Variants in MAP3K4 observed in about 807,000 individuals in gnomAD.
MAP3K4 encodes MAP three kinase 1.
In MAP3K4, 67 loss-of-function variants were observed where a neutral mutation model predicts 185.6. The ratio of observed to expected loss-of-function variants is 0.36; its 90% CI spans 0.30 to 0.44. The LOEUF (loss-of-function observed/expected upper bound fraction) is 0.44. Among genes scored for constraint, MAP3K4 ranks in the 20% least tolerant of loss-of-function variants. The pLI is 1.00. For missense variants in MAP3K4, 1,551 were observed against 1,995.1 expected (o/e 0.78, Z 4.24); for synonymous variants, 702 against 710.4 (o/e 0.99, Z 0.19).
rs1386186236 is a variant in MAP3K4, at chr6:161,103,821, G to C, written c.3856+1042G>C. 2.0e-5 allele frequency among the ~76,000 whole-genome samples: 3 copies of C among 152,178 alleles called. No homozygotes were observed. The highest frequency in any genetic ancestry group is 2.9e-5 in the Non-Finnish European group (2 of 68,030). On this transcript the variant is annotated intron_variant, in intron 19 of 26. Transcript: ENST00000392142. This position sits in a 1 kb window ranked among gnomAD's most constrained non-coding sequence, Gnocchi z 4.6. The stretch of plus-strand genomic sequence containing the variant: ...TGCAGAAATTCAGTATAAATAATAC[G>C]ATACTGGACTAATGTGGGATTTAAA...
chr6:161,078,903 A>G (rs557212645), intron 5 of MAP3K4, among the ~76,000 whole-genome samples: 21 of 152,258 alleles, frequency 1.4e-4, no homozygotes, highest in African/African-American at 4.8e-4. Flanking sequence ...AAGAATATAT[A>G]CAAATTATGG....
chr6:161,084,744 TA>T lies in MAP3K4; in HGVS notation c.2372+130del. Reference sequence around the variant, plus strand: ...CCTGGAAGAATTTGGGCAGTAGATGTAAAGGGATTTATTTATAACTGCCTTG... The same window carrying T: ...CCTGGAAGAATTTGGGCAGTAGATGTAAGGGATTTATTTATAACTGCCTTG... On this transcript the variant is annotated intron_variant, in intron 7 of 26. Transcript: ENST00000392142. The surrounding 1 kb of genome is among the most constrained non-coding windows in gnomAD (Gnocchi z 4.6). 1.8e-6 allele frequency: 1 copy of T among 546,996 alleles called. No individual in the cohort carries two copies. The highest frequency in any genetic ancestry group is 3.4e-6 in the Non-Finnish European group (1 of 298,462). 33.9% of individuals were successfully genotyped at this position (546,996 alleles called of 1,614,324 possible). A position where few individuals can be genotyped will look rare whatever the true frequency, so the allele number is the denominator to read the frequency against.
At position 161,086,402 on chromosome 6, in the gene MAP3K4, G is replaced by A. The variant is rs1785715688; in HGVS notation, c.2396G>A (p.Arg799Gln). Reference protein sequence around the residue: ...EIRRSVIEISRALKELFHEAR... With the variant: ...EIRRSVIEISQALKELFHEAR... ...AGGAGGTCTGTTATAGAGATCAGTC[G>A]AGCCCTGAAGGAGCTCTTCCATGAA... The change falls in exon 8 of 27, where the codon CGA becomes CAA. Residue 799 changes from arginine (R) to glutamine (Q), a missense_variant. Coordinates refer to ENST00000392142, the MANE Select transcript of MAP3K4 (RefSeq NM_005922.4). The surrounding 1 kb of genome is among the most constrained non-coding windows in gnomAD (Gnocchi z 4.8). 1.9e-6 allele frequency: 3 copies of A among 1,613,654 alleles called. No individual in the cohort carries two copies. The highest frequency in any genetic ancestry group is 1.3e-5 in the African/African-American group (1 of 74,914).
At chr6:161,069,357 C>A (rs2114810974) in intron 3 of MAP3K4, among the ~76,000 whole-genome samples, 1 of 152,196 alleles carries the variant, frequency 6.6e-6, no homozygotes, top group Middle Eastern at 3.4e-3. Context: ...ATGAGGTGAA[C>A]CTTGAAAACT....
Position 161,106,434 on chromosome 6 carries a change from T to C in MAP3K4, c.3857-80T>C. ...GTAATGGAGTGCTAATATATATTGC[T>C]CTATTTTTATTGGTTTGTCTTTTGG... On this transcript the variant is annotated intron_variant, in intron 19 of 26. Coordinates refer to ENST00000392142, the MANE Select transcript of MAP3K4 (RefSeq NM_005922.4). The surrounding 1 kb of genome is among the most constrained non-coding windows in gnomAD (Gnocchi z 4.9). 1 of 961,076 alleles carries C rather than the reference T, an allele frequency of 1.0e-6. No individual in the cohort carries two copies. Among genetic ancestry groups the C allele is most frequent in the Non-Finnish European group, 1.6e-6 (1 of 637,610 alleles). The allele number at this position is 961,076 out of a possible 1,614,324, so 59.5% of individuals were successfully genotyped here. A position where few individuals can be genotyped will look rare whatever the true frequency, so the allele number is the denominator to read the frequency against.
rs1274130587 is a variant in MAP3K4 at position 161,007,978 on chromosome 6, T to G, written c.152+15895T>G. Among the ~76,000 whole-genome samples, 1 of 152,212 alleles carries G rather than the reference T, an allele frequency of 6.6e-6. No homozygotes were observed. Among genetic ancestry groups the G allele is most frequent in the East Asian group, 1.9e-4 (1 of 5,198 alleles). On this transcript the variant is annotated intron_variant, in intron 1 of 26. Transcript: ENST00000392142. This position sits in a 1 kb window ranked among gnomAD's most constrained non-coding sequence, Gnocchi z 4.5. ...GTGAAGTATGGCCTTGACTCTTGCT[T>G]CTAATTAAACTTTTTATGTGATAAA... is the stretch of plus-strand genomic sequence containing the variant.
In MAP3K4 at chr6:161,115,098, GA is replaced by G. The variant is rs781651346; in HGVS notation, c.4627-24del. On this transcript the variant is annotated intron_variant, in intron 25 of 26. Transcript: ENST00000392142. The surrounding 1 kb of genome is among the most constrained non-coding windows in gnomAD (Gnocchi z 6.0). ...TTGTGGCTGTGTAATATTAAAATCT[GA>G]TTTTTTAAAAACATCTTTTTTAGAG... 24 of 1,587,784 alleles carry G rather than the reference GA, an allele frequency of 1.5e-5. No individual in the cohort carries two copies. The highest frequency in any genetic ancestry group is 1.8e-5 in the Admixed American group (1 of 56,912).
rs1777327800 is a variant in MAP3K4, at chr6:161,091,887, A to G, written c.3136-123A>G. ...CATAATTCTTCATACTATTCAAAATATAGAAATTTTAATTGGATTTCACTT... is the reference window on the plus strand; with the variant it reads ...CATAATTCTTCATACTATTCAAAATGTAGAAATTTTAATTGGATTTCACTT... On this transcript the variant is annotated intron_variant, in intron 12 of 26. Coordinates refer to ENST00000392142, the MANE Select transcript of MAP3K4 (RefSeq NM_005922.4). The surrounding 1 kb of genome is among the most constrained non-coding windows in gnomAD (Gnocchi z 5.5). The G allele has an allele frequency of 3.6e-6, 3 of 822,094 alleles. No homozygotes were observed. The highest frequency in any genetic ancestry group is 5.7e-6 in the Non-Finnish European group (3 of 524,498). The allele number at this position is 822,094 out of a possible 1,614,324, so 50.9% of individuals were successfully genotyped here.
rs762032863 is a variant in MAP3K4, at chr6:161,057,020, TTGTAA to T, written c.1707+7051_1707+7055del. ...TTTTCAGAAGAATAAGATGAATATA[TTGTAA>T]TGTAATGTACAAAATGTATAATTGT... On this transcript the variant is annotated intron_variant, in intron 3 of 26. Coordinates refer to ENST00000392142, the MANE Select transcript of MAP3K4 (RefSeq NM_005922.4). 9.9e-5 allele frequency among the ~76,000 whole-genome samples: 15 copies of T among 152,248 alleles called. No individual in the cohort carries two copies. The East Asian group carries it at 1.2e-3, about 12-fold the overall frequency.
In MAP3K4 at chr6:161,034,174, A is replaced by G; in HGVS notation, c.153-85A>G. On this transcript the variant is annotated intron_variant, in intron 1 of 26. Transcript: ENST00000392142. The surrounding 1 kb of genome is among the most constrained non-coding windows in gnomAD (Gnocchi z 4.4). ...AGATTTTTCTGTACAAAAGTTTTAC[A>G]AAGAATTATTTAAAAAATTATAAGT... 2 of 1,131,056 alleles carry G rather than the reference A, an allele frequency of 1.8e-6. No individual in the cohort carries two copies. Among genetic ancestry groups the G allele is most frequent in the Non-Finnish European group, 2.5e-6 (2 of 807,842 alleles). The allele number at this position is 1,131,056 out of a possible 1,614,324, so 70.1% of individuals were successfully genotyped here.
In MAP3K4 at chr6:161,048,949, T is replaced by G. The variant is rs1783875609; in HGVS notation, c.677T>G (p.Phe226Cys). ...TDCPADRLKFFETLRLLLKLT... is the reference protein window; with the variant it reads ...TDCPADRLKFCETLRLLLKLT... ...TGTCCAGCAGATCGTTTAAAGTTTT[T>G]TGAAACTTTACGACTTTTGCTAAAG... The change falls in exon 3 of 27, where the codon TTT (phenylalanine) becomes TGT (cysteine). Residue 226 changes from phenylalanine (F) to cysteine (C), a missense_variant. Coordinates refer to ENST00000392142, the MANE Select transcript of MAP3K4 (RefSeq NM_005922.4). This position sits in a 1 kb window ranked among gnomAD's most constrained non-coding sequence, Gnocchi z 4.7. The G allele has an allele frequency of 6.2e-7, 1 of 1,613,906 alleles. No individual in the cohort carries two copies. Among genetic ancestry groups the G allele is most frequent in the African/African-American group, 1.3e-5 (1 of 74,930 alleles).
At chr6:161,005,980 G>T (rs1211590323) in intron 1 of MAP3K4, among the ~76,000 whole-genome samples, 1 of 152,164 alleles carries the variant, frequency 6.6e-6, no homozygotes, top group Non-Finnish European at 1.5e-5. Flanking sequence ...TAGAAACGGG[G>T]TTTTGCCATC....
rs7746548 is a variant in MAP3K4 at position 161,061,019 on chromosome 6, C to T, written c.1708-9589C>T. ...TGTACCCCAGCATTGTTCATTGCAG[C>T]AGAAATTGTGGCTGGTCATTGTTTT... On this transcript the variant is annotated intron_variant, in intron 3 of 26. Transcript: ENST00000392142. The surrounding 1 kb of genome is among the most constrained non-coding windows in gnomAD (Gnocchi z 4.2). Among the ~76,000 whole-genome samples, 3,465 of 152,286 alleles carry T rather than the reference C, an allele frequency of 0.023. 147 individuals are homozygous for T. Among genetic ancestry groups the T allele is most frequent in the African/African-American group, 0.079 (3,285 of 41,558 alleles).
In MAP3K4 at chr6:161,109,006, C is replaced by T; in HGVS notation, c.4236+147C>T. 6.3e-7 allele frequency: 1 copy of T among 1,589,210 alleles called. No homozygotes were observed. The highest frequency in any genetic ancestry group is 1.1e-5 in the South Asian group (1 of 88,804). The stretch of plus-strand genomic sequence containing the variant: ...ATCTCCATGAGTTACATCATTTCTG[C>T]CTTCTCTCTGAAACTAGAGGAGTTC... On this transcript the variant is annotated intron_variant, in intron 22 of 26. Transcript: ENST00000392142. The surrounding 1 kb of genome is among the most constrained non-coding windows in gnomAD (Gnocchi z 5.7).
In MAP3K4 at chr6:161,100,096, G is replaced by A. The variant is rs73784788; in HGVS notation, c.3674+1669G>A. On this transcript the variant is annotated intron_variant, in intron 17 of 26. Transcript: ENST00000392142. This position sits in a 1 kb window ranked among gnomAD's most constrained non-coding sequence, Gnocchi z 5.8. ...GGTAGGTAGAGAAGAGCACAGCCAC[G>A]TGAAGAGGTGTGGGGTGGTTACCAG... Among the ~76,000 whole-genome samples the A allele has an allele frequency of 8.5e-3, 1,292 of 152,328 alleles. 17 individuals carry two copies. The highest frequency in any genetic ancestry group is 0.065 in the Middle Eastern group (19 of 294).
At chr6:161,013,758 A>G (rs1426485135) in intron 1 of MAP3K4, among the ~76,000 whole-genome samples, 1 of 152,228 alleles carries the variant, frequency 6.6e-6, no homozygotes, top group Non-Finnish European at 1.5e-5. Flanking sequence ...CTGCAGTCAT[A>G]TTTATACCTG....
rs1655690228 is a variant in MAP3K4, at chr6:161,008,816, T to A, written c.152+16733T>A. On this transcript the variant is annotated intron_variant, in intron 1 of 26. Coordinates refer to ENST00000392142, the MANE Select transcript of MAP3K4 (RefSeq NM_005922.4). This position sits in a 1 kb window ranked among gnomAD's most constrained non-coding sequence, Gnocchi z 4.1. ...TTACATCTACTACTTTCACTCAGCATGGTGCTTGTGAGGTTCATCTATGTT... is the reference window on the plus strand; with the variant it reads ...TTACATCTACTACTTTCACTCAGCAAGGTGCTTGTGAGGTTCATCTATGTT... Among the ~76,000 whole-genome samples, 1 of 152,184 alleles carries A rather than the reference T, an allele frequency of 6.6e-6. No individual in the cohort carries two copies. The highest frequency in any genetic ancestry group is 2.4e-5 in the African/African-American group (1 of 41,450).
chr6:161,110,194 G>A lies in MAP3K4; in HGVS notation c.4396+280G>A, dbSNP rs186702133. Among the ~76,000 whole-genome samples the A allele has an allele frequency of 7.2e-5, 11 of 152,274 alleles. No homozygotes were observed. The highest frequency in any genetic ancestry group is 1.9e-4 in the East Asian group (1 of 5,182). On this transcript the variant is annotated intron_variant, in intron 23 of 26. Transcript: ENST00000392142. The surrounding 1 kb of genome is among the most constrained non-coding windows in gnomAD (Gnocchi z 4.8). ...TTTATAAGCTGATTTGGCATAGCCC[G>A]TGTACTTACCAGACATTCGTGATCA... is the stretch of plus-strand genomic sequence containing the variant.
Position 161,080,787 on chromosome 6 carries a change from C to A in MAP3K4, c.2098-94C>A, listed in dbSNP as rs539007051. 49 of 1,156,904 alleles carry A rather than the reference C, an allele frequency of 4.2e-5. No homozygotes were observed. In the African/African-American group the frequency reaches 6.2e-4, roughly 15 times the overall value. 71.7% of individuals were successfully genotyped at this position (1,156,904 alleles called of 1,614,324 possible). A position where few individuals can be genotyped will look rare whatever the true frequency, so the allele number is the denominator to read the frequency against. ...GCCTGTGACAGCCCCCGGCCCGCCC[C>A]CACTTTACCCTGCTGATGTGTAGCT... is the stretch of plus-strand genomic sequence containing the variant. On this transcript the variant is annotated intron_variant, in intron 5 of 26. Transcript: ENST00000392142. This position sits in a 1 kb window ranked among gnomAD's most constrained non-coding sequence, Gnocchi z 4.8.
Sources: gnomAD v4.1 joint callset for allele counts (sites outside exome capture counted in the v4.1 genomes callset) on GRCh38, gnomAD v4.1.1 for gene constraint, Gnocchi (gnomAD v3.1) non-coding constraint, MANE v1.5 for transcripts, NCBI Gene and HGNC (gene_info 2026-07-23, HGNC 2026-07-21) for gene names.